TNR: variants seen among roughly 807,000 people sequenced by gnomAD.
The protein encoded by TNR is tenascin-R.
A neutral mutation model predicts 150.4 loss-of-function variants in TNR; 45 were observed. That is an observed-to-expected ratio of 0.30 (90% CI 0.24 to 0.38). The LOEUF (loss-of-function observed/expected upper bound fraction) is 0.38. TNR is among the 10% of genes least tolerant of loss of function. The pLI is 1.00. For synonymous variants in TNR, 687 were observed against 678.4 expected (o/e 1.01, Z -0.20); for missense variants, 1,544 against 1,759.1 (o/e 0.88, Z 2.19).
intron 2 of TNR, among the ~76,000 whole-genome samples, chr1:175,460,203 T>C (rs1166585569): frequency 2.6e-5 from 4 of 152,112 alleles, no homozygotes; most frequent in Non-Finnish European, 4.4e-5. Context: ...TTTGCCTTGC[T>C]CTGGGCTCCT....
intron 18 of TNR, among the ~76,000 whole-genome samples, chr1:175,342,648 G>A (rs1341944576): frequency 6.6e-6 from 1 of 152,230 alleles, no homozygotes; most frequent in Non-Finnish European, 1.5e-5. Flanking sequence ...GAACCCAGGA[G>A]GAGAGTGACA....
At chr1:175,491,057 A>T (rs1174856754) in intron 2 of TNR, among the ~76,000 whole-genome samples, 5 of 152,246 alleles carry the variant, frequency 3.3e-5, no homozygotes, top group Non-Finnish European at 5.9e-5. Flanking sequence ...GAATGAAATT[A>T]TGTTCTTTGC....
chr1:175,393,132 C>T (rs144045827), intron 6 of TNR, among the ~76,000 whole-genome samples: 6 of 152,052 alleles, frequency 3.9e-5, no homozygotes, highest in African/African-American at 1.4e-4. Flanking sequence ...CAGGCATACA[C>T]CTGTGGCAAT....
intron 2 of TNR, among the ~76,000 whole-genome samples, chr1:175,433,126 A>G (rs1309724993): frequency 6.6e-6 from 1 of 152,202 alleles, no homozygotes; most frequent in Non-Finnish European, 1.5e-5. Flanking sequence ...AGTAGAGAGA[A>G]GACAGAAGGA....
At chr1:175,464,656 C>A (rs533437481) in intron 2 of TNR, among the ~76,000 whole-genome samples, 43 of 152,288 alleles carry the variant, frequency 2.8e-4, no homozygotes, top group African/African-American at 1.0e-3. Context: ...AACAATAGTT[C>A]ATGTGAGCTG....
intron 2 of TNR, among the ~76,000 whole-genome samples, chr1:175,511,240 G>A (rs752971314): frequency 6.6e-6 from 1 of 152,132 alleles, no homozygotes; most frequent in African/African-American, 2.4e-5. Context: ...AGCATGCATA[G>A]CAAATTAATT....
intron 1 of TNR, among the ~76,000 whole-genome samples, chr1:175,739,197 T>C (rs1195706586): frequency 1.3e-5 from 2 of 152,142 alleles, no homozygotes; most frequent in Non-Finnish European, 2.9e-5. Context: ...GAAGGTGTTA[T>C]AATAAGGTCT....
rs776971397 is a variant in TNR at position 175,354,474 on chromosome 1, A to G, written c.3299T>C (p.Leu1100Ser). Residue 1100 changes from leucine to serine, a missense_variant, in exon 18 of 23, where the codon TTG (leucine) becomes TCG (serine). Physicochemically the swap from Leu to Ser is moderately radical, Grantham distance 145 (BLOSUM62 -2). Transcript: ENST00000367674. ...GAGCACCGTGTAGTCTGTGTTCTCC[A>G]ACAGGCCCTCCAGTCGAATCCAGGT... is the stretch of plus-strand genomic sequence containing the variant. ...EDTWIRLEGL[L>S]ENTDYTVLLQ... 5.0e-6 allele frequency: 8 copies of G among 1,614,112 alleles called. No individual in the cohort carries two copies. The East Asian group carries it at 1.8e-4, about 36-fold the overall frequency.
chr1:175,597,905 G>A (rs1199788248), intron 1 of TNR, among the ~76,000 whole-genome samples: 1 of 152,214 alleles, frequency 6.6e-6, no homozygotes, highest in East Asian at 1.9e-4. Context: ...CATCACTAGA[G>A]AACAGAGAAG....
intron 2 of TNR, among the ~76,000 whole-genome samples, chr1:175,418,916 T>A (rs1654629574): frequency 6.6e-6 from 1 of 152,222 alleles, no homozygotes; most frequent in Non-Finnish European, 1.5e-5. Context: ...GAGCCAGCAA[T>A]GTTTTCAAAG....
At chr1:175,399,050 G>A (rs777019694) in intron 4 of TNR, among the ~76,000 whole-genome samples, 7 of 152,196 alleles carry the variant, frequency 4.6e-5, no homozygotes, top group South Asian at 2.1e-4. Flanking sequence ...CAGATTGCGC[G>A]AGATGCCTCC....
intron 9 of TNR, among the ~76,000 whole-genome samples, chr1:175,370,466 TA>T (rs1156628436): frequency 6.6e-6 from 1 of 150,384 alleles, no homozygotes; most frequent in Non-Finnish European, 1.5e-5. Context: ...TGCTGGGGCT[TA>T]GCCTGTTGGC....
chr1:175,603,726 C>T (rs2101849302), intron 1 of TNR, among the ~76,000 whole-genome samples: 1 of 152,234 alleles, frequency 6.6e-6, no homozygotes, highest in African/African-American at 2.4e-5. Context: ...TATAGGTAAC[C>T]CTCTCATCAA....
chr1:175,458,961 C>T (rs1361056989), intron 2 of TNR, among the ~76,000 whole-genome samples: 1 of 151,714 alleles, frequency 6.6e-6, no homozygotes, highest in African/African-American at 2.4e-5. Flanking sequence ...CCACCAACAC[C>T]ATCACCACCA....
intron 20 of TNR, among the ~76,000 whole-genome samples, chr1:175,334,575 G>A (rs1650130286): frequency 6.6e-6 from 1 of 152,116 alleles, no homozygotes; most frequent in Non-Finnish European, 1.5e-5. Flanking sequence ...TTGCATTCAG[G>A]CAACGAAGTG....
intron 2 of TNR, among the ~76,000 whole-genome samples, chr1:175,515,063 G>C (rs528209145): frequency 6.6e-6 from 1 of 152,204 alleles, no homozygotes; most frequent in Non-Finnish European, 1.5e-5. Context: ...TGAATGTCAG[G>C]TTATGAAAAT....
chr1:175,713,376 C>T (rs1667070829), intron 1 of TNR, among the ~76,000 whole-genome samples: 2 of 152,186 alleles, frequency 1.3e-5, no homozygotes, highest in African/African-American at 4.8e-5. Flanking sequence ...ATCGGGCATA[C>T]TTGCAGAAGA....
intron 1 of TNR, among the ~76,000 whole-genome samples, chr1:175,615,919 C>A (rs533762637): frequency 1.8e-4 from 27 of 152,326 alleles, no homozygotes; most frequent in African/African-American, 6.5e-4. Flanking sequence ...TATTTAATGA[C>A]GTTCCATGCT....
chr1:175,700,958 C>T (rs1391967579), intron 1 of TNR, among the ~76,000 whole-genome samples: 1 of 152,208 alleles, frequency 6.6e-6, no homozygotes, highest in Non-Finnish European at 1.5e-5. Flanking sequence ...CAAATAAATA[C>T]CCATCTTCAG....
Sources: gnomAD v4.1 joint callset for allele counts (sites outside exome capture counted in the v4.1 genomes callset) on GRCh38, gnomAD v4.1.1 for gene constraint, MANE v1.5 for transcripts, NCBI Gene and HGNC (gene_info 2026-07-23, HGNC 2026-07-21) for gene names.